CDH13: variants seen among roughly 807,000 people sequenced by gnomAD.
CDH13 encodes cadherin 13.
Under a neutral mutation model 63.8 loss-of-function variants are expected in CDH13, and 24 were observed. The ratio of observed to expected loss-of-function variants is 0.38; its 90% confidence interval spans 0.27 to 0.53. The LOEUF (loss-of-function observed/expected upper bound fraction) is 0.53. CDH13 is among the 20% of genes least tolerant of loss of function. CDH13 has a pLI of 0.85. For synonymous variants in CDH13, 503 were observed against 355.3 expected, an observed-to-expected ratio of 1.42 and a Z score of -4.67; for missense variants, 1,049 against 903.1, an observed-to-expected ratio of 1.16 and a Z score of -2.07.
chr16:83,536,465 A>G (rs2075191084), intron 7 of CDH13, among the ~76,000 whole-genome samples: 1 of 152,022 alleles, frequency 6.6e-6, no homozygotes. Flanking sequence ...GGAGAGAGAA[A>G]AGGGTGAGCA....
chr16:82,711,083 G>A (rs2031905179), intron 1 of CDH13, among the ~76,000 whole-genome samples: 1 of 151,930 alleles, frequency 6.6e-6, no homozygotes, highest in Admixed American at 6.6e-5. Context: ...ACCGCATTAT[G>A]TCTGAATACC....
intron 10 of CDH13, among the ~76,000 whole-genome samples, chr16:83,743,984 G>A (rs893050164): frequency 1.3e-5 from 2 of 151,574 alleles, no homozygotes; most frequent in African/African-American, 4.8e-5. Flanking sequence ...CTTATTAACT[G>A]GGCCGCTTTT....
intron 7 of CDH13, among the ~76,000 whole-genome samples, chr16:83,577,773 C>G (rs1488683060): frequency 1.3e-5 from 2 of 152,150 alleles, no homozygotes; most frequent in Non-Finnish European, 2.9e-5. Flanking sequence ...ATATTTTGCT[C>G]TGATAATAAA....
chr16:83,001,241 G>A (rs146629135), intron 2 of CDH13, among the ~76,000 whole-genome samples: 1 of 152,318 alleles, frequency 6.6e-6, no homozygotes, highest in Non-Finnish European at 1.5e-5. Context: ...CGTTTGCTTC[G>A]CAATTCCATC....
At position 83,217,342 on chromosome 16, in the gene CDH13, T is replaced by C. The variant is rs1174615490; in HGVS notation, c.484-3T>C. The C allele has an allele frequency of 6.2e-7, 1 of 1,613,846 alleles. No homozygotes were observed. Among genetic ancestry groups the C allele is most frequent in the East Asian group, 2.2e-5 (1 of 44,872 alleles). ...TTAAATGTCTCTCTGTTTTTCTGAC[T>C]AGGTAGTCGATAGTGACAGGCCAGA... On this transcript the variant is annotated splice_region_variant and splice_polypyrimidine_tract_variant and intron_variant, in intron 4 of 13. Transcript: ENST00000567109.
intron 1 of CDH13, among the ~76,000 whole-genome samples, chr16:82,680,097 G>A (rs1914381579): frequency 6.6e-6 from 1 of 152,176 alleles, no homozygotes; most frequent in South Asian, 2.1e-4. Context: ...GAGAGTTGGT[G>A]CCAGTCTTCC....
intron 4 of CDH13, among the ~76,000 whole-genome samples, chr16:83,178,881 C>G (rs1292506731): frequency 1.3e-5 from 2 of 152,100 alleles, no homozygotes; most frequent in African/African-American, 4.8e-5. Context: ...GTTCACTCTC[C>G]CCTAACTTAT....
Position 82,948,145 on chromosome 16 carries a change from A to T in CDH13, c.158-83865A>T, listed in dbSNP as rs577312932. ...GTTATTCTTCTATCAAAACAAAGAA[A>T]TGAAACACCATTTTGATTCCCAAAG... On this transcript the variant is annotated intron_variant, in intron 2 of 13. Transcript: ENST00000567109. 1.2e-4 allele frequency among the ~76,000 whole-genome samples: 19 copies of T among 152,322 alleles called. No individual in the cohort carries two copies. In the South Asian group the frequency reaches 3.7e-3, roughly 30 times the overall value.
intron 3 of CDH13, among the ~76,000 whole-genome samples, chr16:83,080,879 T>TTTTGTTTTG (rs1555579061): frequency 1.8e-5 from 2 of 110,626 alleles, no homozygotes; most frequent in Non-Finnish European, 3.6e-5. Flanking sequence ...GTGTTTTTTT[T>TTTTGTTTTG]TTTTTTTTTT....
At position 82,668,955 on chromosome 16, in the gene CDH13, T is replaced by C. The variant is rs560036885; in HGVS notation, c.45+41818T>C. Among the ~76,000 whole-genome samples, 6 of 152,320 alleles carry C rather than the reference T, an allele frequency of 3.9e-5. No individual in the cohort carries two copies. In the South Asian group the frequency reaches 1.2e-3, roughly 32 times the overall value. ...AAGATGACAACAGGGCTGGCTGTTATTCTAGGGGGCTGCCCCGGTGTACCT... is the reference window on the plus strand; with the variant it reads ...AAGATGACAACAGGGCTGGCTGTTACTCTAGGGGGCTGCCCCGGTGTACCT... On this transcript the variant is annotated intron_variant, in intron 1 of 13. Transcript: ENST00000567109.
intron 1 of CDH13, among the ~76,000 whole-genome samples, chr16:82,653,454 T>C (rs1910959488): frequency 6.6e-6 from 1 of 152,138 alleles, no homozygotes; most frequent in South Asian, 2.1e-4. Flanking sequence ...GGGAATATAT[T>C]TGACTTGGGC....
intron 11 of CDH13, among the ~76,000 whole-genome samples, chr16:83,778,062 C>T (rs1198360336): frequency 6.6e-6 from 1 of 152,326 alleles, no homozygotes; most frequent in Non-Finnish European, 1.5e-5. Flanking sequence ...AATCTGTATA[C>T]TTAAAATGTG....
chr16:83,682,024 C>T (rs1915449090), intron 10 of CDH13, among the ~76,000 whole-genome samples: 1 of 152,224 alleles, frequency 6.6e-6, no homozygotes, highest in Admixed American at 6.5e-5. Flanking sequence ...TTTAGTATCT[C>T]TAATATCTTT....
At chr16:82,871,707 T>C (rs968301140) in intron 2 of CDH13, among the ~76,000 whole-genome samples, 4 of 152,160 alleles carry the variant, frequency 2.6e-5, no homozygotes, top group African/African-American at 7.2e-5. Context: ...GCTCACATGA[T>C]TGAAAATTTC....
chr16:83,648,060 C>T (rs1281805115), intron 8 of CDH13, among the ~76,000 whole-genome samples: 1 of 152,104 alleles, frequency 6.6e-6, no homozygotes, highest in Non-Finnish European at 1.5e-5. Context: ...TGACTTAGAA[C>T]CTCTTAAATA....
intron 5 of CDH13, among the ~76,000 whole-genome samples, chr16:83,231,709 G>T (rs2040001689): frequency 6.6e-6 from 1 of 152,168 alleles, no homozygotes; most frequent in African/African-American, 2.4e-5. Flanking sequence ...AAAGCCAAAA[G>T]GACTTACTCT....
chr16:83,136,306 A>G (rs1297655186), intron 4 of CDH13, among the ~76,000 whole-genome samples: 3 of 151,734 alleles, frequency 2.0e-5, no homozygotes, highest in Non-Finnish European at 4.4e-5. Flanking sequence ...ACATGGTGAA[A>G]CCCTGTCTCT....
chr16:83,068,957 A>G (rs1236619318), intron 3 of CDH13, among the ~76,000 whole-genome samples: 1 of 151,854 alleles, frequency 6.6e-6, no homozygotes, highest in African/African-American at 2.4e-5. Context: ...ATGAAGGTTT[A>G]GAAGGTTTGC....
chr16:83,418,162 C>T (rs974064510), intron 6 of CDH13, among the ~76,000 whole-genome samples: 4 of 152,256 alleles, frequency 2.6e-5, no homozygotes, highest in Admixed American at 6.5e-5. Context: ...CAAGTTGCCT[C>T]GTCTTACTGT....
Sources: allele counts gnomAD v4.1 joint callset (sites outside exome capture counted in the v4.1 genomes callset), GRCh38; gene constraint gnomAD v4.1.1; transcripts MANE v1.5; gene names NCBI Gene and HGNC (gene_info 2026-07-23, HGNC 2026-07-21).